Variants in PTPRD observed in about 807,000 individuals in gnomAD.
The protein encoded by PTPRD is receptor-type tyrosine-protein phosphatase delta.
In PTPRD, 34 loss-of-function variants were observed where a neutral mutation model predicts 214.5. The ratio of observed to expected loss-of-function variants is 0.16; its 90% CI spans 0.12 to 0.21. The LOEUF is 0.21. Among genes scored for constraint, PTPRD ranks in the 10% least tolerant of loss-of-function variants. PTPRD has a pLI of 1.00. For synonymous variants in PTPRD, 1,128 were observed against 845.7 expected (o/e 1.33, Z -5.79); for missense variants, 2,545 against 2,398.7 (o/e 1.06, Z -1.27).
intron 7 of PTPRD, among the ~76,000 whole-genome samples, chr9:9,692,001 C>G (rs983108868): frequency 2.6e-5 from 4 of 151,956 alleles, no homozygotes; most frequent in Non-Finnish European, 5.9e-5. Context: ...ATTGTTTGAA[C>G]TCCATATATA....
At chr9:8,728,064 A>G (rs1428876624) in intron 12 of PTPRD, among the ~76,000 whole-genome samples, 1 of 151,902 alleles carries the variant, frequency 6.6e-6, no homozygotes, top group Non-Finnish European at 1.5e-5. Flanking sequence ...CCTGACCAAT[A>G]TGGAGAAACC....
At chr9:9,241,799 A>G (rs566783260) in intron 9 of PTPRD, among the ~76,000 whole-genome samples, 2 of 151,382 alleles carry the variant, frequency 1.3e-5, no homozygotes, top group African/African-American at 2.4e-5. Context: ...TCTTTATCCA[A>G]TTTGCCAGTC....
intron 11 of PTPRD, among the ~76,000 whole-genome samples, chr9:8,954,916 T>C (rs200405198): frequency 1.3e-5 from 2 of 151,952 alleles, no homozygotes; most frequent in African/African-American, 2.4e-5. Context: ...TGGTTATCAC[T>C]ACAGATGCAA....
intron 11 of PTPRD, among the ~76,000 whole-genome samples, chr9:8,856,905 AC>A (rs1194450525): frequency 2.6e-5 from 4 of 152,182 alleles, no homozygotes; most frequent in African/African-American, 9.7e-5. Flanking sequence ...TTTTCTACAC[AC>A]CCACATAAAA....
At chr9:8,547,641 TA>T (rs759867541) in intron 14 of PTPRD, among the ~76,000 whole-genome samples, 6,513 of 110,954 alleles carry the variant, frequency 0.059, 448 homozygotes, top group African/African-American at 0.19. Context: ...GAATCCTATT[TA>T]AAAAAAAAAA....
chr9:10,434,239 A>G (rs562964306), intron 2 of PTPRD, among the ~76,000 whole-genome samples: 1 of 151,998 alleles, frequency 6.6e-6, no homozygotes, highest in East Asian at 1.9e-4. Flanking sequence ...AGTCTCCCAT[A>G]TAAAGGTACC....
chr9:10,608,604 G>A (rs1001521713), intron 2 of PTPRD, among the ~76,000 whole-genome samples: 2 of 152,054 alleles, frequency 1.3e-5, no homozygotes, highest in Admixed American at 6.6e-5. Flanking sequence ...TAGTCACATA[G>A]CTTGAAAGAC....
At chr9:8,807,861 GT>G (rs1244390488) in intron 11 of PTPRD, among the ~76,000 whole-genome samples, 1 of 152,178 alleles carries the variant, frequency 6.6e-6, no homozygotes, top group African/African-American at 2.4e-5. Flanking sequence ...GTGGGCAACA[GT>G]GGTATGTATG....
intron 10 of PTPRD, among the ~76,000 whole-genome samples, chr9:9,030,415 G>C (rs140988336): frequency 6.7e-6 from 1 of 149,092 alleles, no homozygotes; most frequent in South Asian, 2.1e-4. Flanking sequence ...TAATACCTGC[G>C]TCCTCAATCA....
intron 3 of PTPRD, among the ~76,000 whole-genome samples, chr9:10,063,729 G>A (rs114096174): frequency 6.6e-6 from 1 of 151,978 alleles, no homozygotes; most frequent in Non-Finnish European, 1.5e-5. Context: ...GTATATGAGG[G>A]TAGGTGAAAA....
Position 8,732,870 on chromosome 9 carries a change from T to A in PTPRD, c.64+910A>T, listed in dbSNP as rs547006658. On this transcript the variant is annotated intron_variant, in intron 12 of 45. Coordinates refer to ENST00000381196, the MANE Select transcript of PTPRD (RefSeq NM_002839.4). The stretch of plus-strand genomic sequence containing the variant: ...TAACATGAGTCAAATTTAATCTCAC[T>A]GAAATAGTGGAGAGAAATGTTAATG... Among the ~76,000 whole-genome samples the A allele has an allele frequency of 5.0e-4, 76 of 152,292 alleles. 2 individuals are homozygous for A. The highest frequency in any genetic ancestry group is 1.8e-3 in the African/African-American group (74 of 41,564).
At chr9:9,057,024 C>G (rs1376674837) in intron 10 of PTPRD, among the ~76,000 whole-genome samples, 1 of 152,096 alleles carries the variant, frequency 6.6e-6, no homozygotes, top group East Asian at 1.9e-4. Flanking sequence ...TCTCTTTCCT[C>G]AGGGGGGATC....
At chr9:8,976,551 A>T (rs1201387493) in intron 11 of PTPRD, among the ~76,000 whole-genome samples, 1 of 152,126 alleles carries the variant, frequency 6.6e-6, no homozygotes, top group African/African-American at 2.4e-5. Context: ...TTTAATCTGG[A>T]CTACATCAAG....
chr9:10,043,064 T>A (rs182821260), intron 3 of PTPRD, among the ~76,000 whole-genome samples: 1 of 151,586 alleles, frequency 6.6e-6, no homozygotes, highest in African/African-American at 2.4e-5. Context: ...GAATTAAATT[T>A]CTCATCTACA....
In PTPRD at chr9:9,005,102, G is replaced by C. The variant is rs143813800; in HGVS notation, c.-104+13595C>G. 1.4e-3 allele frequency among the ~76,000 whole-genome samples: 217 copies of C among 152,098 alleles called. 1 individual carries two copies. The highest frequency in any genetic ancestry group is 4.7e-3 in the African/African-American group (195 of 41,522). On this transcript the variant is annotated intron_variant, in intron 11 of 45. Transcript: ENST00000381196. ...GACCTTCAGGGGAAAGATCCAAATA[G>C]TTTTGCTATGGCTATAGTCTGTTTC...
At chr9:10,165,078 A>C (rs2099151136) in intron 3 of PTPRD, among the ~76,000 whole-genome samples, 1 of 151,602 alleles carries the variant, frequency 6.6e-6, no homozygotes, top group Non-Finnish European at 1.5e-5. Flanking sequence ...GAACTAAAGA[A>C]ATTCTCAGGG....
chr9:9,437,463 C>G (rs777190878), intron 8 of PTPRD, among the ~76,000 whole-genome samples: 2 of 151,842 alleles, frequency 1.3e-5, no homozygotes, highest in Admixed American at 6.6e-5. Flanking sequence ...ATGCCCATGT[C>G]AAAGGGTCTG....
intron 12 of PTPRD, among the ~76,000 whole-genome samples, chr9:8,673,460 C>G (rs1052035230): frequency 2.0e-5 from 3 of 152,124 alleles, no homozygotes; most frequent in African/African-American, 7.2e-5. Flanking sequence ...GTAGTAATAG[C>G]ATATACTTTT....
chr9:9,871,604 G>A (rs553496112), intron 5 of PTPRD, among the ~76,000 whole-genome samples: 38 of 149,064 alleles, frequency 2.5e-4, no homozygotes, highest in Admixed American at 8.1e-4. Context: ...GGCCTGGGAG[G>A]AGAAGTGCAG....
Sources: gnomAD v4.1 joint callset for allele counts (sites outside exome capture counted in the v4.1 genomes callset) on GRCh38, gnomAD v4.1.1 for gene constraint, MANE v1.5 for transcripts, NCBI Gene and HGNC (gene_info 2026-07-23, HGNC 2026-07-21) for gene names.